SNTG1: variants seen among roughly 807,000 people sequenced by gnomAD.
SNTG1 encodes the protein syntrophin gamma 1.
SNTG1 carries 39 observed loss-of-function variants against 74.7 expected under a neutral mutation model. That is an observed-to-expected ratio of 0.52 (90% CI 0.40 to 0.68). The LOEUF (loss-of-function observed/expected upper bound fraction) is 0.68. SNTG1 is among the 30% of genes least tolerant of loss of function. The pLI is 0.00. For missense variants in SNTG1, 685 were observed against 609.5 expected, an observed-to-expected ratio of 1.12 and a Z score of -1.30; for synonymous variants, 254 against 217.1, an observed-to-expected ratio of 1.17 and a Z score of -1.49.
chr8:50,288,940 G>A (rs1476912369), intron 2 of SNTG1, among the ~76,000 whole-genome samples: 3 of 152,004 alleles, frequency 2.0e-5, no homozygotes, highest in East Asian at 3.9e-4. Flanking sequence ...GGTTAAATGT[G>A]TTTACTAGGA....
intron 1 of SNTG1, among the ~76,000 whole-genome samples, chr8:49,998,228 G>C (rs1814417163): frequency 3.3e-5 from 5 of 152,114 alleles, no homozygotes; most frequent in Admixed American, 3.3e-4. Flanking sequence ...TACCACAAAT[G>C]GAACTTGCAG....
At chr8:49,981,528 G>T (rs530683233) in intron 1 of SNTG1, among the ~76,000 whole-genome samples, 1 of 152,282 alleles carries the variant, frequency 6.6e-6, no homozygotes, top group African/African-American at 2.4e-5. Flanking sequence ...AGGGCAAAAA[G>T]ATGGGCCAAC....
intron 12 of SNTG1, among the ~76,000 whole-genome samples, chr8:50,565,015 T>G (rs901015109): frequency 2.6e-5 from 4 of 152,038 alleles, no homozygotes; most frequent in African/African-American, 9.7e-5. Context: ...AAATTAATAA[T>G]ATGTACCCTT....
intron 13 of SNTG1, among the ~76,000 whole-genome samples, chr8:50,606,143 A>G (rs990047716): frequency 2.6e-5 from 4 of 152,120 alleles, no homozygotes; most frequent in Non-Finnish European, 5.9e-5. Flanking sequence ...CTACTCTGGA[A>G]TCTTGCTCTT....
At chr8:50,609,878 T>C (rs1289292031) in intron 13 of SNTG1, among the ~76,000 whole-genome samples, 1 of 152,152 alleles carries the variant, frequency 6.6e-6, no homozygotes, top group Non-Finnish European at 1.5e-5. Context: ...TGTCTATTTG[T>C]TGAGTCATTG....
At chr8:50,670,897 G>C (rs1180723129) in intron 15 of SNTG1, among the ~76,000 whole-genome samples, 1 of 151,550 alleles carries the variant, frequency 6.6e-6, no homozygotes, top group South Asian at 2.1e-4. Flanking sequence ...CACATATCTA[G>C]AACTATCTGA....
intron 18 of SNTG1, among the ~76,000 whole-genome samples, chr8:50,758,620 G>A (rs144692749): frequency 0.02 from 3,025 of 152,090 alleles, 96 homozygotes; most frequent in African/African-American, 0.065. Context: ...ATGGTTTCCA[G>A]CTTCATCCAT....
chr8:50,581,187 TA>T (rs2094607685), intron 12 of SNTG1, among the ~76,000 whole-genome samples: 1 of 152,228 alleles, frequency 6.6e-6, no homozygotes, highest in African/African-American at 2.4e-5. Flanking sequence ...CACTTGCATT[TA>T]TGATGTTCTT....
intron 1 of SNTG1, among the ~76,000 whole-genome samples, chr8:50,132,711 AT>A (rs1401859444): frequency 6.6e-6 from 1 of 152,058 alleles, no homozygotes; most frequent in African/African-American, 2.4e-5. Flanking sequence ...ATACCCTAGA[AT>A]TTTTCCTTTA....
At chr8:50,536,495 T>A (rs1409898442) in intron 10 of SNTG1, among the ~76,000 whole-genome samples, 183 bp from the exon 11 acceptor site, 1 of 152,236 alleles carries the variant, frequency 6.6e-6, no homozygotes, top group Non-Finnish European at 1.5e-5. Flanking sequence ...AGCATTCTGT[T>A]AATAAATAAG....
intron 12 of SNTG1, among the ~76,000 whole-genome samples, chr8:50,557,133 T>A (rs376042363): frequency 1.3e-4 from 20 of 150,784 alleles, no homozygotes; most frequent in African/African-American, 4.9e-4. Flanking sequence ...GGGCCCAGCA[T>A]GCACCCCCAC....
intron 18 of SNTG1, among the ~76,000 whole-genome samples, chr8:50,778,527 T>C (rs1233111867): frequency 1.3e-5 from 2 of 152,108 alleles, no homozygotes; most frequent in African/African-American, 2.4e-5. Flanking sequence ...GTTCATGTCC[T>C]TCACCCACTT....
chr8:50,724,383 G>A (rs1259847610), intron 17 of SNTG1, among the ~76,000 whole-genome samples: 2 of 152,048 alleles, frequency 1.3e-5, no homozygotes, highest in East Asian at 1.9e-4. Context: ...TGGTCTCCTC[G>A]GGCTAATAAT....
intron 2 of SNTG1, among the ~76,000 whole-genome samples, chr8:50,349,985 C>T (rs544259892): frequency 1.4e-4 from 21 of 152,266 alleles, no homozygotes; most frequent in East Asian, 5.8e-4. Context: ...TCTGGGTGGG[C>T]GTGGGCTTGG....
intron 15 of SNTG1, among the ~76,000 whole-genome samples, chr8:50,669,184 A>T (rs1586020279): frequency 6.6e-6 from 1 of 151,834 alleles, no homozygotes; most frequent in Non-Finnish European, 1.5e-5. Flanking sequence ...AAATAACTAA[A>T]ATCAGAGCAG....
intron 1 of SNTG1, among the ~76,000 whole-genome samples, chr8:50,165,888 A>G (rs1408937281): frequency 2.0e-5 from 3 of 151,802 alleles, no homozygotes; most frequent in Non-Finnish European, 4.4e-5. Context: ...AGGCTACAGT[A>G]ACCAAAACAG....
intron 1 of SNTG1, among the ~76,000 whole-genome samples, chr8:50,111,534 G>A (rs1267206206): frequency 1.3e-5 from 2 of 152,150 alleles, no homozygotes; most frequent in African/African-American, 2.4e-5. Flanking sequence ...TGCTAGAAAC[G>A]AGGTTAGGCT....
In SNTG1 at chr8:50,221,736, T is replaced by C. The variant is rs570401210; in HGVS notation, c.-28+49101T>C. ...TGGAGTACATAGTCATGTTTTGATATGTACAATGTATAGTGGGCATATCAG... is the reference window on the plus strand; with the variant it reads ...TGGAGTACATAGTCATGTTTTGATACGTACAATGTATAGTGGGCATATCAG... On this transcript the variant is annotated intron_variant, in intron 2 of 18. Transcript: ENST00000642720. 1.7e-3 allele frequency among the ~76,000 whole-genome samples: 253 copies of C among 152,308 alleles called. 2 individuals carry two copies. Among genetic ancestry groups the C allele is most frequent in the Middle Eastern group, 6.8e-3 (2 of 294 alleles).
chr8:50,732,906 C>A (rs2095516380), intron 17 of SNTG1, among the ~76,000 whole-genome samples: 1 of 151,760 alleles, frequency 6.6e-6, no homozygotes, highest in African/African-American at 2.4e-5. Flanking sequence ...AAAATAACAT[C>A]TTTCTGCAAT....
Sources: gnomAD v4.1 joint callset for allele counts (sites outside exome capture counted in the v4.1 genomes callset) on GRCh38, gnomAD v4.1.1 for gene constraint, MANE v1.5 for transcripts, NCBI Gene and HGNC (gene_info 2026-07-23, HGNC 2026-07-21) for gene names.